Variants in IQSEC1 observed in about 807,000 individuals in gnomAD.
IQSEC1 encodes IQ motif and Sec7 domain ArfGEF 1.
Under a neutral mutation model 91.0 loss-of-function variants are expected in IQSEC1, and 31 were observed. The observed-to-expected ratio is 0.34, with a 90% CI of 0.26 to 0.46. IQSEC1 has a LOEUF of 0.46. IQSEC1 is among the 20% of genes least tolerant of loss of function. The probability of loss-of-function intolerance (pLI) is 1.00; values close to 1 mark genes in which losing one functional copy is unlikely to be tolerated. For synonymous variants in IQSEC1, 699 were observed against 662.6 expected, an observed-to-expected ratio of 1.05 and a Z score of -0.84; for missense variants, 1,388 against 1,575.6, an observed-to-expected ratio of 0.88 and a Z score of 2.02.
chr3:13,198,386 C>T (rs745438719), intron 1 of IQSEC1, among the ~76,000 whole-genome samples: 8 of 152,088 alleles, frequency 5.3e-5, no homozygotes, highest in Non-Finnish European at 1.2e-4. Flanking sequence ...GGTGGCTCAT[C>T]TGAAGAGTGC....
At chr3:12,905,151 TGAAGTC>T (rs1357961219) in intron 12 of IQSEC1, among the ~76,000 whole-genome samples, 1 of 152,234 alleles carries the variant, frequency 6.6e-6, no homozygotes, top group Non-Finnish European at 1.5e-5. Context: ...CACCGGCTGA[TGAAGTC>T]AGGCAGGCCA....
intron 1 of IQSEC1, among the ~76,000 whole-genome samples, chr3:13,241,577 C>T (rs1695021615): frequency 6.6e-6 from 1 of 152,258 alleles, no homozygotes; most frequent in African/African-American, 2.4e-5. Flanking sequence ...GGTGGTTTGT[C>T]TTCCTCTTCT....
chr3:13,045,271 A>G (rs1188645984), intron 1 of IQSEC1, among the ~76,000 whole-genome samples: 1 of 152,102 alleles, frequency 6.6e-6, no homozygotes, highest in Non-Finnish European at 1.5e-5. Context: ...TTTTCTCCAT[A>G]GCTCTTGTCA....
intron 2 of IQSEC1, among the ~76,000 whole-genome samples, chr3:13,098,394 A>G (rs914467316): frequency 6.6e-6 from 1 of 152,198 alleles, no homozygotes; most frequent in African/African-American, 2.4e-5. Context: ...GTGGGTTTTG[A>G]AGGATGCAGA....
chr3:12,984,815 ATTTTTTTTTTTT>A (rs767194681), intron 1 of IQSEC1, among the ~76,000 whole-genome samples: 3 of 102,230 alleles, frequency 2.9e-5, no homozygotes, highest in African/African-American at 4.6e-5. Context: ...AAGCAATTAC[ATTTTTTTTTTTT>A]TTTTTTTTTT....
chr3:12,901,573 G>A (rs1358143977), intron 13 of IQSEC1, 51 bp from the exon 14 acceptor site: 17 of 1,435,172 alleles, frequency 1.2e-5, no homozygotes, highest in Non-Finnish European at 1.3e-5. Flanking sequence ...CAAGCACTTA[G>A]GTCAGAATGA....
intron 1 of IQSEC1, among the ~76,000 whole-genome samples, chr3:13,037,361 T>C (rs1704074869): frequency 6.6e-6 from 1 of 152,196 alleles, no homozygotes; most frequent in African/African-American, 2.4e-5. Flanking sequence ...CATCCCTGTC[T>C]GTAATGTCGA....
chr3:13,177,819 C>G (rs1406576361), intron 1 of IQSEC1, among the ~76,000 whole-genome samples: 1 of 152,254 alleles, frequency 6.6e-6, no homozygotes, highest in Non-Finnish European at 1.5e-5. Flanking sequence ...GCAGAGCCAG[C>G]CACTGGACCT....
chr3:13,277,160 C>A (rs630814), intron 1 of IQSEC1, among the ~76,000 whole-genome samples: 2 of 141,090 alleles, frequency 1.4e-5, no homozygotes, highest in Non-Finnish European at 3.0e-5. Context: ...CACAAAAGAC[C>A]GGATCAGCTG....
At chr3:13,138,542 G>A (rs1706748513) in intron 2 of IQSEC1, among the ~76,000 whole-genome samples, 1 of 152,118 alleles carries the variant, frequency 6.6e-6, no homozygotes, top group Non-Finnish European at 1.5e-5. Flanking sequence ...TGGGTGAGTA[G>A]GCTCCTGGTA....
At position 13,193,664 on chromosome 3, in the gene IQSEC1, C is replaced by A. The variant is rs61489453; in HGVS notation, c.273-29531G>T. 5.9e-5 allele frequency among the ~76,000 whole-genome samples: 9 copies of A among 152,092 alleles called. No individual in the cohort carries two copies. The highest frequency in any genetic ancestry group is 1.2e-4 in the Non-Finnish European group (8 of 68,016). On this transcript the variant is annotated intron_variant, in intron 1 of 15. Transcript: ENST00000648114. The surrounding 1 kb of genome is among the most constrained non-coding windows in gnomAD (Gnocchi z 4.2). ...TTAGGGGTCTAGAACACTTAAGATG[C>A]GGGAAAGAGGCAGTTGGAGACCAAA...
intron 12 of IQSEC1, among the ~76,000 whole-genome samples, chr3:12,906,783 C>T (rs577328267): frequency 8.2e-4 from 125 of 152,176 alleles, no homozygotes; most frequent in Non-Finnish European, 1.5e-3. Context: ...TCAAGGGCCT[C>T]GGTTCTGGCA....
In IQSEC1 at chr3:13,274,334, G is replaced by T. The variant is rs141892483; in HGVS notation, c.272+8377C>A. Reference sequence around the variant, plus strand: ...GTCCTCGCAGGGCCAGCACTCCACAGGCAGCTACAAGTGACTTGCAAGGAC... The same window carrying T: ...GTCCTCGCAGGGCCAGCACTCCACATGCAGCTACAAGTGACTTGCAAGGAC... On this transcript the variant is annotated intron_variant, in intron 1 of 15. Transcript: ENST00000648114. Among the ~76,000 whole-genome samples, 268 of 152,340 alleles carry T rather than the reference G, an allele frequency of 1.8e-3. 1 individual carries two copies. The highest frequency in any genetic ancestry group is 6.1e-3 in the African/African-American group (252 of 41,588).
intron 1 of IQSEC1, among the ~76,000 whole-genome samples, chr3:13,018,517 A>G (rs1188733019): frequency 6.6e-6 from 1 of 152,264 alleles, no homozygotes; most frequent in Non-Finnish European, 1.5e-5. Flanking sequence ...CAGATGCAAA[A>G]GTGATCTTCC....
At chr3:13,272,411 C>T (rs1695604588) in intron 1 of IQSEC1, among the ~76,000 whole-genome samples, 1 of 152,210 alleles carries the variant, frequency 6.6e-6, no homozygotes, top group Non-Finnish European at 1.5e-5. Flanking sequence ...TTCAAGACAC[C>T]TTTGTTCCCA....
chr3:13,261,513 C>T (rs368224236), intron 1 of IQSEC1, among the ~76,000 whole-genome samples: 1 of 152,102 alleles, frequency 6.6e-6, no homozygotes, highest in African/African-American at 2.4e-5. Context: ...AGCCTGTTCC[C>T]GGAGAACTCA....
intron 1 of IQSEC1, among the ~76,000 whole-genome samples, chr3:12,949,305 G>A (rs1322909425): frequency 6.6e-6 from 1 of 152,234 alleles, no homozygotes; most frequent in Non-Finnish European, 1.5e-5. Context: ...GCCTAGCCAC[G>A]TGTGGCCAGA....
chr3:13,120,857 G>A (rs113924971), intron 2 of IQSEC1, among the ~76,000 whole-genome samples: 4 of 152,196 alleles, frequency 2.6e-5, no homozygotes, highest in South Asian at 4.1e-4. Context: ...GCAGAACTTA[G>A]TCATGAATTA....
At chr3:13,271,326 G>A (rs182047838) in intron 1 of IQSEC1, among the ~76,000 whole-genome samples, 3 of 152,130 alleles carry the variant, frequency 2.0e-5, no homozygotes, top group East Asian at 1.9e-4. Flanking sequence ...GCAGTGAGCC[G>A]AGATGGCACC....
Sources: gnomAD v4.1 joint callset for allele counts (sites outside exome capture counted in the v4.1 genomes callset) on GRCh38, gnomAD v4.1.1 for gene constraint, Gnocchi (gnomAD v3.1) non-coding constraint, MANE v1.5 for transcripts, NCBI Gene and HGNC (gene_info 2026-07-23, HGNC 2026-07-21) for gene names.